The following GRIP1 variants were observed in gnomAD, a reference collection of about 807,000 sequenced individuals.
GRIP1 encodes glutamate receptor interacting protein 1.
A neutral mutation model predicts 129.9 loss-of-function variants in GRIP1; 45 were observed. That is an observed-to-expected ratio of 0.35 (90% CI 0.27 to 0.44). GRIP1 has a LOEUF of 0.44. GRIP1 is among the 20% of genes least tolerant of loss of function. The pLI is 1.00. For missense variants in GRIP1, 1,196 were observed against 1,396.8 expected (o/e 0.86, Z 2.29); for synonymous variants, 530 against 520.8 (o/e 1.02, Z -0.24).
Position 66,515,706 on chromosome 12 carries a change from C to T in GRIP1, c.637G>A (p.Gly213Arg). ...CTCATGGCTTCAGCATGCGTAGTTCCAAGAAGCCGAATTCCATCCACACTG... is the reference window on the plus strand; with the variant it reads ...CTCATGGCTTCAGCATGCGTAGTTCTAAGAAGCCGAATTCCATCCACACTG... ...LLSVDGIRLLGTTHAEAMSIL... is the reference protein window; with the variant it reads ...LLSVDGIRLLRTTHAEAMSIL... Residue 213 changes from glycine to arginine, a missense_variant, in exon 7 of 25, where the codon GGA (glycine) becomes AGA (arginine). This residue lies in a region of GRIP1 where 508 missense variants were observed against 587.0 expected (regional missense o/e 0.87). Transcript: ENST00000359742. 1 of 1,613,558 alleles carries T rather than the reference C, an allele frequency of 6.2e-7. No homozygotes were observed.
intron 1 of GRIP1, among the ~76,000 whole-genome samples, chr12:66,644,146 G>T (rs542004644): frequency 6.6e-6 from 1 of 152,120 alleles, no homozygotes; most frequent in South Asian, 2.1e-4. Context: ...GAACAGTGTG[G>T]GAGAAACTGC....
At chr12:67,066,865 G>C (rs2043633658) in intron 1 of GRIP1, among the ~76,000 whole-genome samples, 1 of 124,392 alleles carries the variant, frequency 8.0e-6, no homozygotes, top group African/African-American at 2.9e-5. Context: ...AAGTCACATA[G>C]GCAGCTCAGT....
chr12:66,573,973 T>A (rs889956928), intron 2 of GRIP1, among the ~76,000 whole-genome samples: 1 of 152,210 alleles, frequency 6.6e-6, no homozygotes, highest in Non-Finnish European at 1.5e-5. Flanking sequence ...GATAATCCCT[T>A]TTCCATATGA....
At chr12:66,564,684 T>C (rs1342019043) in intron 2 of GRIP1, among the ~76,000 whole-genome samples, 6 of 152,152 alleles carry the variant, frequency 3.9e-5, no homozygotes, top group Admixed American at 3.9e-4. Flanking sequence ...TAGTTCTAGA[T>C]CCCTGAGGAA....
At chr12:66,590,623 C>G (rs894707291) in intron 2 of GRIP1, among the ~76,000 whole-genome samples, 2 of 152,168 alleles carry the variant, frequency 1.3e-5, no homozygotes, top group Admixed American at 1.3e-4. Context: ...GAATGAATCA[C>G]TCTTATCTTG....
chr12:66,765,984 T>C (rs112496922), intron 1 of GRIP1, among the ~76,000 whole-genome samples: 8 of 152,282 alleles, frequency 5.3e-5, no homozygotes, highest in African/African-American at 1.7e-4. Context: ...CACTCAAGAC[T>C]GTTCTGGTAC....
At chr12:66,835,488 C>G (rs376229729) in intron 1 of GRIP1, among the ~76,000 whole-genome samples, 144 of 152,218 alleles carry the variant, frequency 9.5e-4, no homozygotes, top group African/African-American at 3.4e-3. Flanking sequence ...ATTGCCAAAA[C>G]TTGGAGGCAA....
intron 13 of GRIP1, among the ~76,000 whole-genome samples, chr12:66,438,491 A>ATT (rs1004531480): frequency 2.5e-4 from 34 of 136,974 alleles, no homozygotes; most frequent in South Asian, 4.8e-4. Context: ...TTCACCGAGT[A>ATT]TTTTTTTTTT....
intron 1 of GRIP1, among the ~76,000 whole-genome samples, chr12:66,817,774 A>G (rs1357207743): frequency 2.0e-5 from 3 of 152,224 alleles, no homozygotes; most frequent in Non-Finnish European, 2.9e-5. Flanking sequence ...ACATGTTAAT[A>G]TAAGTCAAAT....
At chr12:66,658,924 C>CAA (rs71436019) in intron 1 of GRIP1, among the ~76,000 whole-genome samples, 18 of 134,014 alleles carry the variant, frequency 1.3e-4, no homozygotes, top group African/African-American at 4.5e-4. Flanking sequence ...ATCTTGTCTC[C>CAA]AAAAAAAAAA....
At chr12:66,741,708 G>T (rs1253285308) in intron 1 of GRIP1, among the ~76,000 whole-genome samples, 1 of 152,112 alleles carries the variant, frequency 6.6e-6, no homozygotes, top group African/African-American at 2.4e-5. Flanking sequence ...TTGGAATCTG[G>T]TATGTATTCT....
At chr12:66,895,120 G>A (rs1267879411) in intron 1 of GRIP1, among the ~76,000 whole-genome samples, 1 of 152,154 alleles carries the variant, frequency 6.6e-6, no homozygotes, top group Non-Finnish European at 1.5e-5. Flanking sequence ...CCCATTCTTG[G>A]GATAGGTCTG....
intron 1 of GRIP1, among the ~76,000 whole-genome samples, chr12:66,668,722 G>A (rs1031056064): frequency 6.6e-6 from 1 of 151,978 alleles, no homozygotes; most frequent in Non-Finnish European, 1.5e-5. Flanking sequence ...AGGAGTTGAA[G>A]ATCAGCCTGG....
At chr12:66,366,152 TAGGTATTTGG>T (rs1356235131) in intron 23 of GRIP1, among the ~76,000 whole-genome samples, 2 of 152,228 alleles carry the variant, frequency 1.3e-5, no homozygotes, top group African/African-American at 4.8e-5. Context: ...AATTCTACAC[TAGGTATTTGG>T]AGAAAGTTGA....
chr12:66,831,114 A>T (rs2039509220), intron 1 of GRIP1, among the ~76,000 whole-genome samples: 1 of 152,056 alleles, frequency 6.6e-6, no homozygotes, highest in Non-Finnish European at 1.5e-5. Context: ...TCGGCCTCCC[A>T]AAGTGCTGGT....
Position 67,023,565 on chromosome 12 carries a change from CT to C in GRIP1, c.58+45484del, listed in dbSNP as rs542073871. Reference sequence around the variant, plus strand: ...ATATGCTAAATCAGTTACCTTTGTTCTTTTTTTTTTCAGTTGTTTTTGCTAT... The same window carrying C: ...ATATGCTAAATCAGTTACCTTTGTTCTTTTTTTTTCAGTTGTTTTTGCTAT... On this transcript the variant is annotated intron_variant, in intron 1 of 1. Transcript: ENST00000643019. Among the ~76,000 whole-genome samples the C allele has an allele frequency of 7.4e-4, 110 of 148,452 alleles. No homozygotes were observed. In the Middle Eastern group the frequency reaches 0.021, roughly 28 times the overall value.
At chr12:66,523,215 GA>G (rs1325770704) in intron 5 of GRIP1, among the ~76,000 whole-genome samples, 1 of 151,202 alleles carries the variant, frequency 6.6e-6, no homozygotes, top group East Asian at 1.9e-4. Flanking sequence ...GCAACTCCAA[GA>G]CACATAATTG....
At chr12:66,827,935 G>C (rs2039448131) in intron 1 of GRIP1, among the ~76,000 whole-genome samples, 1 of 152,132 alleles carries the variant, frequency 6.6e-6, no homozygotes, top group African/African-American at 2.4e-5. Context: ...TGCTTCATTG[G>C]TGGTTGGAAG....
chr12:66,980,805 T>A (rs550956358), intron 1 of GRIP1, among the ~76,000 whole-genome samples: 1 of 152,214 alleles, frequency 6.6e-6, no homozygotes, highest in South Asian at 2.1e-4. Flanking sequence ...AGTGTCTCTA[T>A]TACAAATCCA....
Sources: gnomAD v4.1 joint callset for allele counts (sites outside exome capture counted in the v4.1 genomes callset) on GRCh38, gnomAD v4.1.1 for gene constraint, gnomAD v4.1.1 regional missense constraint, MANE v1.5 for transcripts, NCBI Gene and HGNC (gene_info 2026-07-23, HGNC 2026-07-21) for gene names.